CCDC102B: variants seen among roughly 807,000 people sequenced by gnomAD.
CCDC102B encodes coiled-coil domain-containing protein 102B.
A neutral mutation model predicts 57.4 loss-of-function variants in CCDC102B; 75 were observed. The observed-to-expected ratio is 1.31, with a 90% confidence interval of 1.08 to 1.58. The LOEUF is 1.58. Among genes scored for constraint, CCDC102B ranks in the 40% most tolerant of loss-of-function variants. The probability of loss-of-function intolerance (pLI) is 0.00; values close to 1 mark genes in which losing one functional copy is unlikely to be tolerated. For missense variants in CCDC102B, 636 were observed against 582.6 expected (o/e 1.09, Z -0.94); for synonymous variants, 206 against 201.9 (o/e 1.02, Z -0.17).
intron 6 of CCDC102B, among the ~76,000 whole-genome samples, chr18:68,941,770 A>C (rs1346499092): frequency 6.6e-6 from 1 of 152,162 alleles, no homozygotes; most frequent in African/African-American, 2.4e-5. Flanking sequence ...GAAAGTACAG[A>C]GGAACAGTTC....
chr18:69,023,974 T>C (rs2051916637), intron 7 of CCDC102B, among the ~76,000 whole-genome samples: 1 of 152,004 alleles, frequency 6.6e-6, no homozygotes, highest in South Asian at 2.1e-4. Context: ...GCCAAAATCA[T>C]AATGGATTTC....
intron 6 of CCDC102B, among the ~76,000 whole-genome samples, chr18:68,972,622 G>A (rs865936947): frequency 3.3e-5 from 5 of 152,106 alleles, no homozygotes; most frequent in South Asian, 2.1e-4. Flanking sequence ...ATTTTCAATA[G>A]ATTTCAGTAA....
chr18:68,915,929 C>A (rs972148496), intron 6 of CCDC102B, among the ~76,000 whole-genome samples: 2 of 152,090 alleles, frequency 1.3e-5, no homozygotes, highest in African/African-American at 4.8e-5. Flanking sequence ...AATCCCTCTC[C>A]TTGTTTAGTT....
intron 1 of CCDC102B, among the ~76,000 whole-genome samples, chr18:68,813,721 G>T (rs2036361775): frequency 6.6e-6 from 1 of 151,440 alleles, no homozygotes; most frequent in South Asian, 2.1e-4. Context: ...AGAATTAATG[G>T]AAGAGCAATT....
chr18:68,783,020 T>G (rs1423704944), intron 2 of CCDC102B, among the ~76,000 whole-genome samples: 1 of 152,174 alleles, frequency 6.6e-6, no homozygotes, highest in East Asian at 1.9e-4. Context: ...AGGCTAGAGA[T>G]TCTCTTTTGC....
intron 7 of CCDC102B, among the ~76,000 whole-genome samples, chr18:69,014,541 A>G (rs1282985360): frequency 6.6e-6 from 1 of 151,912 alleles, no homozygotes; most frequent in African/African-American, 2.4e-5. Flanking sequence ...ATGTGGAAGC[A>G]TTTATAGAAA....
downstream of CCDC102B, among the ~76,000 whole-genome samples, chr18:69,057,080 T>G (rs1297430623): frequency 6.6e-6 from 1 of 152,040 alleles, no homozygotes; most frequent in Admixed American, 6.6e-5. Flanking sequence ...CAGCCTCCAG[T>G]AATAATTTCC....
intron 6 of CCDC102B, among the ~76,000 whole-genome samples, chr18:68,958,187 C>T (rs1312243749): frequency 6.6e-6 from 1 of 152,156 alleles, no homozygotes; most frequent in Non-Finnish European, 1.5e-5. Context: ...ATTCAGTTAC[C>T]TCCTACTGGG....
At chr18:68,804,175 T>A (rs968827429) in intron 1 of CCDC102B, among the ~76,000 whole-genome samples, 1 of 152,204 alleles carries the variant, frequency 6.6e-6, no homozygotes, top group African/African-American at 2.4e-5. Flanking sequence ...TGATGTGCAA[T>A]GAAGAGACAA....
At chr18:68,871,838 C>A (rs2039251233) in intron 4 of CCDC102B, among the ~76,000 whole-genome samples, 1 of 152,062 alleles carries the variant, frequency 6.6e-6, no homozygotes, top group Admixed American at 6.6e-5. Flanking sequence ...GTTTCATGAT[C>A]TGAATTGCTT....
chr18:68,743,887 T>G (rs1333716052), intron 2 of CCDC102B, among the ~76,000 whole-genome samples: 1 of 152,204 alleles, frequency 6.6e-6, no homozygotes, highest in Non-Finnish European at 1.5e-5. Context: ...TTGTTTCTGT[T>G]TTTTAGTTGA....
At chr18:68,956,550 A>C (rs1344421103) in intron 6 of CCDC102B, among the ~76,000 whole-genome samples, 2 of 1,580 alleles carry the variant, frequency 1.3e-3, no homozygotes, top group East Asian at 0.12. Context: ...TATATATATA[A>C]ATATTATATA....
chr18:68,805,302 A>G (rs1051703112), intron 1 of CCDC102B, among the ~76,000 whole-genome samples: 2 of 152,180 alleles, frequency 1.3e-5, no homozygotes, highest in African/African-American at 4.8e-5. Context: ...TCCCTATGGT[A>G]GAGTTGGCTT....
chr18:68,944,486 G>A (rs531835844), intron 6 of CCDC102B, among the ~76,000 whole-genome samples: 2 of 152,138 alleles, frequency 1.3e-5, no homozygotes, highest in African/African-American at 4.8e-5. Flanking sequence ...CTGGTTGGCA[G>A]ATGGGTATCT....
Position 68,969,831 on chromosome 18 carries a change from C to G in CCDC102B, c.1264-41103C>G, listed in dbSNP as rs141844851. 7.2e-5 allele frequency among the ~76,000 whole-genome samples: 11 copies of G among 151,868 alleles called. No individual in the cohort carries two copies. The East Asian group carries it at 2.1e-3, about 29-fold the overall frequency. On this transcript the variant is annotated intron_variant, in intron 6 of 7. Coordinates refer to ENST00000360242, the MANE Select transcript of CCDC102B (RefSeq NM_024781.3). ...ATGATGAATTTATCCTTGTTTTTAA[C>G]CAATAATTTCAGAAGCATGTAATCA...
chr18:69,052,946 A>C (rs959689879), intron 7 of CCDC102B, among the ~76,000 whole-genome samples: 1 of 151,914 alleles, frequency 6.6e-6, no homozygotes, highest in African/African-American at 2.4e-5. Flanking sequence ...ATAGAGGAGG[A>C]TATGCATAGA....
At chr18:68,848,514 A>G (rs2037976330) in intron 4 of CCDC102B, among the ~76,000 whole-genome samples, 1 of 152,080 alleles carries the variant, frequency 6.6e-6, no homozygotes, top group Non-Finnish European at 1.5e-5. Context: ...GTGCTTTTAG[A>G]GGGAAATCAT....
rs1047533535 is a variant in CCDC102B, at chr18:68,752,150, C to T, written c.-67+35556C>T. Among the ~76,000 whole-genome samples the T allele has an allele frequency of 5.3e-5, 8 of 152,162 alleles. No individual in the cohort carries two copies. The South Asian group carries it at 1.7e-3, about 32-fold the overall frequency. Reference sequence around the variant, plus strand: ...TGGTGCATGCCTGTAATCCCAGCTACTCAAGAGGCTGAGGCAGGAGAATCA... The same window carrying T: ...TGGTGCATGCCTGTAATCCCAGCTATTCAAGAGGCTGAGGCAGGAGAATCA... On this transcript the variant is annotated intron_variant, in intron 2 of 3. Coordinates refer to the CCDC102B transcript ENST00000578970.
intron 5 of CCDC102B, among the ~76,000 whole-genome samples, chr18:68,894,077 T>A (rs1599646909): frequency 6.6e-6 from 1 of 152,038 alleles, no homozygotes; most frequent in Admixed American, 6.6e-5. Flanking sequence ...TTACCTGATT[T>A]ATTGCAGGCC....
Sources: gnomAD v4.1 joint callset for allele counts (sites outside exome capture counted in the v4.1 genomes callset) on GRCh38, gnomAD v4.1.1 for gene constraint, MANE v1.5 for transcripts, NCBI Gene and HGNC (gene_info 2026-07-23, HGNC 2026-07-21) for gene names.